Variants in ABCD3 observed in about 807,000 individuals in gnomAD.
ABCD3 encodes ATP binding cassette subfamily D member 3.
ABCD3 carries 41 observed loss-of-function variants against 105.5 expected under a neutral mutation model. The observed-to-expected ratio is 0.39, with a 90% CI of 0.30 to 0.50. The LOEUF (loss-of-function observed/expected upper bound fraction) is 0.50. Ranked by LOEUF, ABCD3 falls within the 20% of genes least tolerant of loss-of-function variation. The pLI is 0.84. For synonymous variants in ABCD3, 258 were observed against 269.0 expected (o/e 0.96, Z 0.40); for missense variants, 622 against 806.3 (o/e 0.77, Z 2.77).
chr1:94,499,507 T>C lies in ABCD3; in HGVS notation c.1633T>C (p.Tyr545His), dbSNP rs142189039. The change falls in exon 20 of 23, where the codon TAC (tyrosine) becomes CAC (histidine). Residue 545 changes from tyrosine to histidine, a missense_variant. Around this residue, in one of 4 missense-constraint regions of ABCD3, gnomAD observed 285 missense variants for 352.5 expected, o/e 0.81. Transcript: ENST00000370214. ...KGISDLVLKE[Y>H]LDNVQLGHIL... ...ATTTTGCTGAAAGGTACTGAAGGAA[T>C]ACTTAGACAATGTCCAGTTGGGTCA... 2 of 1,613,540 alleles carry C rather than the reference T, an allele frequency of 1.2e-6. No homozygotes were observed. Among genetic ancestry groups the C allele is most frequent in the Non-Finnish European group, 1.7e-6 (2 of 1,179,690 alleles).
rs566123356 is a variant in ABCD3, at chr1:94,517,228, T to A, written c.*99T>A. 2.3e-3 allele frequency: 1,772 copies of A among 781,632 alleles called. 3 individuals are homozygous for A. The highest frequency in any genetic ancestry group is 5.4e-3 in the Admixed American group (224 of 41,764). 48.4% of individuals were successfully genotyped at this position (781,632 alleles called of 1,614,324 possible). A position where few individuals can be genotyped will look rare whatever the true frequency, so the allele number is the denominator to read the frequency against. On this transcript the variant is annotated 3_prime_UTR_variant, in exon 23 of 23. Coordinates refer to ENST00000370214, the MANE Select transcript of ABCD3 (RefSeq NM_002858.4). Reference sequence around the variant, plus strand: ...AAATAAAGTTGAGCTTAGTTTTTTTTAAAAAAAAAAACAAAGCAACAAATT... The same window carrying A: ...AAATAAAGTTGAGCTTAGTTTTTTTAAAAAAAAAAAACAAAGCAACAAATT...
the ABCD3 span, among the ~76,000 whole-genome samples, chr1:94,399,893 C>A: frequency 6.6e-6 from 1 of 152,092 alleles, no homozygotes; most frequent in South Asian, 2.1e-4. Context: ...GCTGCACCAG[C>A]GATTTAGTAG....
intron 2 of ABCD3, among the ~76,000 whole-genome samples, chr1:94,461,104 T>C (rs907634731): frequency 6.6e-6 from 1 of 152,142 alleles, no homozygotes; most frequent in African/African-American, 2.4e-5. Flanking sequence ...GCACATTTGT[T>C]AAATGTATAG....
chr1:94,458,686 A>G, intron 2 of ABCD3, 43 bp downstream of exon 2: 2 of 1,557,908 alleles, frequency 1.3e-6, no homozygotes, highest in Non-Finnish European at 1.8e-6. Flanking sequence ...TCATGCATTT[A>G]TTTCATTTAT....
chr1:94,500,963 A>G (rs182421285), intron 20 of ABCD3, among the ~76,000 whole-genome samples: 1 of 152,314 alleles, frequency 6.6e-6, no homozygotes, highest in East Asian at 1.9e-4. Flanking sequence ...GAGCTGCAAA[A>G]TAACTTTAAA....
At chr1:94,513,899 A>G (rs1002406197) in intron 21 of ABCD3, 3 of 152,036 alleles carry the variant, frequency 2.0e-5, no homozygotes, top group Non-Finnish European at 4.4e-5. Context: ...TTATTTTATT[A>G]TGCAATTCCT....
At chr1:94,413,301 G>C in the ABCD3 span, among the ~76,000 whole-genome samples, 14 of 150,730 alleles carry the variant, frequency 9.3e-5, no homozygotes, top group Non-Finnish European at 1.6e-4. Context: ...TTTTTTTTCA[G>C]ATTATGTAGG....
intron 3 of ABCD3, among the ~76,000 whole-genome samples, 200 bp downstream of exon 3, chr1:94,465,073 G>T (rs976915978): frequency 1.1e-4 from 16 of 152,162 alleles, no homozygotes; most frequent in Non-Finnish European, 4.4e-5. Context: ...GGGGAAGCCA[G>T]TGTCTCACAT....
At chr1:94,452,639 A>C (rs1647312324) in intron 1 of ABCD3, among the ~76,000 whole-genome samples, 1 of 152,222 alleles carries the variant, frequency 6.6e-6, no homozygotes, top group Non-Finnish European at 1.5e-5. Flanking sequence ...CATGGTCTGA[A>C]ATTTTAAAAA....
intron 18 of ABCD3, 46 bp from the exon 19 acceptor site, chr1:94,498,899 A>T (rs1248518975): frequency 6.2e-7 from 1 of 1,610,424 alleles, no homozygotes; most frequent in Admixed American, 1.7e-5. Flanking sequence ...TTGTTTATTT[A>T]TTTTTTCATG....
At chr1:94,504,202 C>T (rs947231518) in intron 20 of ABCD3, among the ~76,000 whole-genome samples, 4 of 152,008 alleles carry the variant, frequency 2.6e-5, no homozygotes, top group Non-Finnish European at 4.4e-5. Flanking sequence ...TGAGCTGCTG[C>T]GCCCGGCCAG....
chr1:94,506,720 A>G, intron 21 of ABCD3, 78 bp downstream of exon 21: 1 of 1,080,094 alleles, frequency 9.3e-7, no homozygotes, highest in Non-Finnish European at 1.4e-6. Flanking sequence ...GTCCAAAGAG[A>G]AGATTCCAGG....
the ABCD3 span, among the ~76,000 whole-genome samples, chr1:94,389,271 C>A: frequency 1.3e-5 from 2 of 152,232 alleles, no homozygotes; most frequent in African/African-American, 4.8e-5. Flanking sequence ...CAGGCCCCCA[C>A]ATCTGGCCAT....
chr1:94,394,083 G>A, the ABCD3 span, among the ~76,000 whole-genome samples: 7 of 152,194 alleles, frequency 4.6e-5, no homozygotes, highest in Non-Finnish European at 8.8e-5. Flanking sequence ...ATTTTAATAT[G>A]CCTCAACCAT....
chr1:94,437,229 G>C (rs1659940601), intron 1 of ABCD3, among the ~76,000 whole-genome samples: 1 of 152,216 alleles, frequency 6.6e-6, no homozygotes, highest in Non-Finnish European at 1.5e-5. Flanking sequence ...AGACAAAACA[G>C]CTATCTATTG....
intron 1 of ABCD3, among the ~76,000 whole-genome samples, chr1:94,445,159 A>G (rs920420131): frequency 2.0e-5 from 3 of 152,176 alleles, no homozygotes; most frequent in African/African-American, 7.2e-5. Context: ...ATGTGGGTAA[A>G]TCTCTGTTTG....
At chr1:94,507,706 C>G (rs1570836971) in intron 21 of ABCD3, among the ~76,000 whole-genome samples, 1 of 152,070 alleles carries the variant, frequency 6.6e-6, no homozygotes, top group South Asian at 2.1e-4. Flanking sequence ...GATGTTATCT[C>G]ACTGTGGTTT....
At chr1:94,491,839 C>T (rs192246030) in intron 16 of ABCD3, among the ~76,000 whole-genome samples, 3 of 152,148 alleles carry the variant, frequency 2.0e-5, no homozygotes, top group East Asian at 3.9e-4. Flanking sequence ...TTGTAAGACT[C>T]GCAGATTTAA....
intron 10 of ABCD3, among the ~76,000 whole-genome samples, chr1:94,486,809 A>T (rs189248307): frequency 6.6e-6 from 1 of 152,226 alleles, no homozygotes; most frequent in Non-Finnish European, 1.5e-5. Context: ...GAGCAAGAGG[A>T]AATCCTTAAG....
Sources: gnomAD v4.1 joint callset for allele counts (sites outside exome capture counted in the v4.1 genomes callset) on GRCh38, gnomAD v4.1.1 for gene constraint, gnomAD v4.1.1 regional missense constraint, MANE v1.5 for transcripts, NCBI Gene and HGNC (gene_info 2026-07-23, HGNC 2026-07-21) for gene names.